SRGN: variants seen among roughly 807,000 people sequenced by gnomAD.
SRGN encodes the protein hematopoetic proteoglycan core peptide.
SRGN carries 2 observed loss-of-function variants against 9.5 expected under a neutral mutation model. The observed-to-expected ratio is 0.21, with a 90% CI of 0.09 to 0.66. SRGN has a LOEUF of 0.66. SRGN is among the 30% of genes least tolerant of loss of function. The probability of loss-of-function intolerance (pLI) is 0.83; values close to 1 mark genes in which losing one functional copy is unlikely to be tolerated. For missense variants in SRGN, 170 were observed against 192.4 expected (o/e 0.88, Z 0.69); for synonymous variants, 59 against 72.3 (o/e 0.82, Z 0.93).
chr10:69,101,757 T>A (rs1208331438), intron 2 of SRGN, among the ~76,000 whole-genome samples: 4 of 152,142 alleles, frequency 2.6e-5, no homozygotes, highest in Admixed American at 2.0e-4. Context: ...GATCCTTAAT[T>A]GCCTTCAAAA....
intron 1 of SRGN, among the ~76,000 whole-genome samples, chr10:69,091,585 A>T (rs996855065): frequency 6.6e-6 from 1 of 152,086 alleles, no homozygotes; most frequent in African/African-American, 2.4e-5. Flanking sequence ...TTCCATTAAG[A>T]ATAGGAAATT....
At chr10:69,094,949 C>G (rs1479409670) in intron 1 of SRGN, among the ~76,000 whole-genome samples, 1 of 151,688 alleles carries the variant, frequency 6.6e-6, no homozygotes, top group East Asian at 1.9e-4. Context: ...TGCCTACCCG[C>G]CTCTCACCCT....
At chr10:69,098,241 C>G (rs1040278170) in intron 2 of SRGN, among the ~76,000 whole-genome samples, 18 of 152,178 alleles carry the variant, frequency 1.2e-4, no homozygotes, top group African/African-American at 4.3e-4. Flanking sequence ...ATTATTGGGT[C>G]ATAAAAAGAA....
At chr10:69,097,459 G>C (rs2805911) in intron 2 of SRGN, among the ~76,000 whole-genome samples, 98,624 of 134,030 alleles carry the variant, frequency 0.74, 38,350 homozygotes, top group Non-Finnish European at 0.88. Flanking sequence ...CGGAGTCTCA[G>C]TCTGTCGCTC....
At chr10:69,098,665 A>G (rs547348773) in intron 2 of SRGN, 1 of 152,152 alleles carries the variant, frequency 6.6e-6, no homozygotes, top group Admixed American at 6.5e-5. Context: ...GTTGGTAATT[A>G]TTTTTAAAAA....
intron 2 of SRGN, among the ~76,000 whole-genome samples, chr10:69,102,255 G>A (rs1264687042): frequency 6.6e-6 from 1 of 152,096 alleles, no homozygotes; most frequent in Admixed American, 6.5e-5. Context: ...GGTTGCATGG[G>A]TTTAACTACC....
chr10:69,095,031 G>T (rs1840146825), intron 1 of SRGN, among the ~76,000 whole-genome samples: 1 of 151,710 alleles, frequency 6.6e-6, no homozygotes, highest in African/African-American at 2.4e-5. Context: ...CTTTCGGCCG[G>T]GTGTGGTGGC....
intron 1 of SRGN, among the ~76,000 whole-genome samples, chr10:69,091,349 C>T (rs1475880598): frequency 2.0e-5 from 3 of 152,134 alleles, no homozygotes; most frequent in South Asian, 2.1e-4. Flanking sequence ...CTTGCTATAA[C>T]GTTTCCCACT....
intron 1 of SRGN, among the ~76,000 whole-genome samples, chr10:69,091,558 A>G (rs1440122554): frequency 6.6e-6 from 1 of 152,112 alleles, no homozygotes; most frequent in Non-Finnish European, 1.5e-5. Flanking sequence ...AGTTTCTCTA[A>G]CATGCCTGCA....
At chr10:69,091,856 G>A (rs565061024) in intron 1 of SRGN, among the ~76,000 whole-genome samples, 2 of 110,666 alleles carry the variant, frequency 1.8e-5, no homozygotes, top group East Asian at 5.0e-4. Context: ...CTCCAGCCTG[G>A]GCGATAGACT....
intron 1 of SRGN, among the ~76,000 whole-genome samples, chr10:69,093,724 G>A (rs766238742): frequency 5.3e-5 from 8 of 152,026 alleles, no homozygotes; most frequent in Non-Finnish European, 8.8e-5. Flanking sequence ...AAAATTAGCC[G>A]GGCATGGTGG....
intron 2 of SRGN, 146 bp downstream of exon 2, chr10:69,097,377 C>A: frequency 1.7e-6 from 1 of 582,984 alleles, no homozygotes; most frequent in Non-Finnish European, 2.9e-6. Flanking sequence ...TCTCCTGCTT[C>A]AGCCTCTGGA....
At chr10:69,088,071 C>G, upstream of SRGN, 1 of 1,173,276 alleles carries the variant, frequency 8.5e-7, no homozygotes, top group Non-Finnish European at 1.3e-6. Context: ...GGTTTTGGAA[C>G]ATTTTCTAAA....
At position 69,100,589 on chromosome 10, in the gene SRGN, G is replaced by T. The variant is rs147328261; in HGVS notation, c.228-3282G>T. 8.7e-4 allele frequency among the ~76,000 whole-genome samples: 133 copies of T among 152,056 alleles called. 1 individual carries two copies. The highest frequency in any genetic ancestry group is 3.1e-3 in the African/African-American group (130 of 41,460). ...ACCCTGACCCTGTGCTTTCTTTCCC[G>T]TCATTGCGAAAGAATGGTCCTTGCT... On this transcript the variant is annotated intron_variant, in intron 2 of 2. Coordinates refer to ENST00000242465, the MANE Select transcript of SRGN (RefSeq NM_002727.4).
chr10:69,093,516 A>T (rs931330350), intron 1 of SRGN, among the ~76,000 whole-genome samples: 37 of 152,336 alleles, frequency 2.4e-4, no homozygotes, highest in Admixed American at 2.4e-3. Flanking sequence ...TTTCACCTAC[A>T]GGAAGAGACG....
At chr10:69,095,143 A>T (rs1314475953) in intron 1 of SRGN, among the ~76,000 whole-genome samples, 1 of 151,462 alleles carries the variant, frequency 6.6e-6, no homozygotes, top group African/African-American at 2.4e-5. Context: ...CCCCATCCCT[A>T]CTAAAAATAC....
intron 1 of SRGN, among the ~76,000 whole-genome samples, chr10:69,089,787 T>C (rs1457519046): frequency 1.3e-5 from 2 of 151,978 alleles, no homozygotes; most frequent in South Asian, 2.1e-4. Flanking sequence ...TCCCAGCTAC[T>C]CAGGAGGCTG....
At position 69,104,770 on chromosome 10, in the gene SRGN, A is replaced by T. The variant is rs1037620086; in HGVS notation, c.*650A>T. 1 of 152,190 alleles carries T rather than the reference A, an allele frequency of 6.6e-6. No homozygotes were observed. The highest frequency in any genetic ancestry group is 2.4e-5 in the African/African-American group (1 of 41,444). The allele number at this position is 152,190 out of a possible 1,614,324, so 9.4% of individuals were successfully genotyped here. A position where few individuals can be genotyped will look rare whatever the true frequency, so the allele number is the denominator to read the frequency against. ...TTTCCTGGATATCTGTGTATTTTCA[A>T]ATGTTACTATATATTAAAGCAGAAA... On this transcript the variant is annotated 3_prime_UTR_variant, in exon 3 of 3. Transcript: ENST00000242465.
intron 1 of SRGN, among the ~76,000 whole-genome samples, chr10:69,091,906 A>G (rs1256641501): frequency 1.1e-5 from 1 of 91,386 alleles, no homozygotes; most frequent in Admixed American, 1.2e-4. Context: ...AAAAAAAAAA[A>G]AAGAAAAAGA....
Sources: allele counts gnomAD v4.1 joint callset (sites outside exome capture counted in the v4.1 genomes callset), GRCh38; gene constraint gnomAD v4.1.1; transcripts MANE v1.5; gene names NCBI Gene and HGNC (gene_info 2026-07-23, HGNC 2026-07-21).